The following LAMA5 variants were observed in gnomAD, a reference collection of about 807,000 sequenced individuals.
LAMA5 encodes laminin subunit alpha 5.
Under a neutral mutation model 433.4 loss-of-function variants are expected in LAMA5, and 260 were observed. The observed-to-expected ratio is 0.60, with a 90% CI of 0.54 to 0.66. The LOEUF is 0.66. Among genes scored for constraint, LAMA5 ranks in the 30% least tolerant of loss-of-function variants. The pLI is 0.00. For missense variants in LAMA5, 5,378 were observed against 5,258.5 expected, an observed-to-expected ratio of 1.02 and a Z score of -0.70; for synonymous variants, 2,620 against 2,226.6, an observed-to-expected ratio of 1.18 and a Z score of -4.97.
chr20:62,314,100 C>CAG (rs5842382), intron 62 of LAMA5, among the ~76,000 whole-genome samples: 37,464 of 38,140 alleles, frequency 0.98, 18,492 homozygotes, highest in East Asian at 1. Flanking sequence ...CGAGTGGGCA[C>CAG]AGACGGGTGG....
chr20:62,310,715 T>C lies in LAMA5; in HGVS notation c.10396A>G (p.Thr3466Ala), dbSNP rs1276296593. The C allele has an allele frequency of 1.8e-5, 29 of 1,598,290 alleles. No homozygotes were observed. Among genetic ancestry groups the C allele is most frequent in the Non-Finnish European group, 2.4e-5 (28 of 1,175,962 alleles). The change falls in exon 75 of 80, where the codon ACC (threonine) becomes GCC (alanine). Residue 3466 changes from threonine (T) to alanine (A), a missense_variant. By Grantham distance (58) the Thr-to-Ala change is moderately conservative (BLOSUM62 0). Transcript: ENST00000252999. Reference sequence around the variant, plus strand: ...GCCGGGAGGCCGCCCACAAAGAGGGTGTGGGGCTGGGGGTGCTCTGCCCCC... The same window carrying C: ...GCCGGGAGGCCGCCCACAAAGAGGGCGTGGGGCTGGGGGTGCTCTGCCCCC... Reference protein sequence around the residue: ...HQGAEHPQPHTLFVGGLPASS... With the variant: ...HQGAEHPQPHALFVGGLPASS...
intron 11 of LAMA5, 189 bp downstream of exon 11, chr20:62,345,629 T>G (rs1249150973): frequency 4.6e-6 from 3 of 656,468 alleles, no homozygotes; most frequent in Admixed American, 4.9e-5. Context: ...CTAACTTTTT[T>G]CTTTGGCTTT....
At chr20:62,360,963 T>C (rs1484132511) in intron 2 of LAMA5, among the ~76,000 whole-genome samples, 1 of 152,094 alleles carries the variant, frequency 6.6e-6, no homozygotes, top group Non-Finnish European at 1.5e-5. Flanking sequence ...CATCGGGCAC[T>C]GCGCCCACTG....
intron 11 of LAMA5, among the ~76,000 whole-genome samples, chr20:62,343,111 A>T (rs765128974): frequency 5.3e-5 from 8 of 152,212 alleles, no homozygotes; most frequent in Non-Finnish European, 8.8e-5. Flanking sequence ...CCCACTCATG[A>T]ATACGCGTTC....
Position 62,310,717 on chromosome 20 carries a change from TG to T in LAMA5, c.10393del (p.His3465ThrfsTer19). The stretch of plus-strand genomic sequence containing the variant: ...CGGGAGGCCGCCCACAAAGAGGGTG[TG>T]GGGCTGGGGGTGCTCTGCCCCCTGG... ...QHQGAEHPQP[H>X]TLFVGGLPAS... is the part of the protein sequence containing the mutation. On this transcript the variant is annotated frameshift_variant, in exon 75 of 80. Coordinates refer to ENST00000252999, the MANE Select transcript of LAMA5 (RefSeq NM_005560.6). LOFTEE classifies it high-confidence loss of function. 6.3e-7 allele frequency: 1 copy of T among 1,597,990 alleles called. No homozygotes were observed.
At chr20:62,360,177 C>T (rs952759695) in intron 2 of LAMA5, among the ~76,000 whole-genome samples, 1 of 150,186 alleles carries the variant, frequency 6.7e-6, no homozygotes, top group Non-Finnish European at 1.5e-5. Context: ...GAGACAGGGG[C>T]CTTGGTAGAT....
chr20:62,320,318 C>CAA (rs60260941), intron 50 of LAMA5, among the ~76,000 whole-genome samples: 1,937 of 49,872 alleles, frequency 0.039, 121 homozygotes, highest in African/African-American at 0.1. Context: ...AACTGTGTCT[C>CAA]AAAAAAAAAA....
intron 16 of LAMA5, chr20:62,337,018 G>A (rs547888260): frequency 4.6e-5 from 31 of 677,528 alleles, no homozygotes; most frequent in Non-Finnish European, 7.1e-5. Flanking sequence ...AACGTGCACC[G>A]CGTGGGGTAC....
At position 62,320,604 on chromosome 20, in the gene LAMA5, C is replaced by T; in HGVS notation, c.6714G>A (p.Gln2238=). ...CGTCCTGCCCGAGGCTTGTGCTCTG[C>T]TGCTCCAGCACCTCCAGCTGCTGTG... ...ETAQQLEVLE[Q]QSTSLGQDAR... Residue 2238 remains glutamine, a synonymous_variant, in exon 50 of 80, where the codon CAG becomes CAA. Transcript: ENST00000252999. The T allele has an allele frequency of 3.1e-6, 5 of 1,607,186 alleles. No individual in the cohort carries two copies. The highest frequency in any genetic ancestry group is 4.2e-6 in the Non-Finnish European group (5 of 1,178,998).
chr20:62,320,318 CAAAAAAAAAAA>C (rs60260941), intron 50 of LAMA5, among the ~76,000 whole-genome samples: 12 of 51,282 alleles, frequency 2.3e-4, no homozygotes, highest in African/African-American at 7.4e-4. Flanking sequence ...AACTGTGTCT[CAAAAAAAAAAA>C]AAAAAAAAAA....
rs560624026 is a variant in LAMA5 at position 62,327,403 on chromosome 20, C to A, written c.4942G>T (p.Val1648Leu). The change falls in exon 38 of 80, where the codon GTG becomes TTG. Residue 1648 changes from valine (V) to leucine (L), a missense_variant. Transcript: ENST00000252999. ...RSSSYTRQEF[V>L]DMEGWVLLST... is the part of the protein sequence containing the mutation. ...AGCAGCACCCATCCCTCCATATCCACGAACTGTGGGCACACACGTGTGGCT... is the reference window on the plus strand; with the variant it reads ...AGCAGCACCCATCCCTCCATATCCAAGAACTGTGGGCACACACGTGTGGCT... The A allele has an allele frequency of 2.0e-5, 31 of 1,587,916 alleles. No individual in the cohort carries two copies. The African/African-American group carries it at 3.8e-4, about 19-fold the overall frequency.
At position 62,318,308 on chromosome 20, in the gene LAMA5, A is replaced by ACGGGGG. The variant is rs1309354332; in HGVS notation, c.7239+145_7239+146insCCCCCG. On this transcript the variant is annotated intron_variant, in intron 53 of 79. Transcript: ENST00000252999. ...GGAGGAAGAGGAGGAGGGGGGGAAG[A>ACGGGGG]AGAGGAGGAGGGGGGGAGGACGAGG... 8.5e-5 allele frequency: 20 copies of ACGGGGG among 235,650 alleles called. 6 individuals carry two copies. The highest frequency in any genetic ancestry group is 7.4e-4 in the African/African-American group (8 of 10,752). The allele number at this position is 235,650 out of a possible 1,614,324, so 14.6% of individuals were successfully genotyped here.
At chr20:62,361,898 C>A (rs1986167788) in intron 2 of LAMA5, among the ~76,000 whole-genome samples, 1 of 152,214 alleles carries the variant, frequency 6.6e-6, no homozygotes. Flanking sequence ...CAAGGAGAGC[C>A]CAGAGCTGGG....
In LAMA5 at chr20:62,310,576, T is replaced by C. The variant is rs537880606; in HGVS notation, c.10447-4A>G. On this transcript the variant is annotated splice_polypyrimidine_tract_variant and splice_region_variant and intron_variant, in intron 75 of 79. Transcript: ENST00000252999. ...AGCCGCTGAACCCGACGGTCACCTATAGGAGCAGACCGGGCAGGGATCAGG... is the reference window on the plus strand; with the variant it reads ...AGCCGCTGAACCCGACGGTCACCTACAGGAGCAGACCGGGCAGGGATCAGG... 8 of 1,560,822 alleles carry C rather than the reference T, an allele frequency of 5.1e-6. No homozygotes were observed. The African/African-American group carries it at 8.1e-5, about 16-fold the overall frequency.
rs1981710160 is a variant in LAMA5, at chr20:62,336,796, G to C, written c.2165-10C>G. ...GGGTGGCAAGAGCCAGCTGTGAAGA[G>C]AGGACCATGCCTCGGTCATTTCCCA... On this transcript the variant is annotated splice_polypyrimidine_tract_variant and intron_variant, in intron 16 of 79. Coordinates refer to ENST00000252999, the MANE Select transcript of LAMA5 (RefSeq NM_005560.6). 3.1e-6 allele frequency: 5 copies of C among 1,612,280 alleles called. No individual in the cohort carries two copies. Among genetic ancestry groups the C allele is most frequent in the Non-Finnish European group, 4.2e-6 (5 of 1,179,892 alleles).
chr20:62,317,642 G>T lies in LAMA5; in HGVS notation c.7356+20C>A. On this transcript the variant is annotated intron_variant, in intron 54 of 79. Coordinates refer to ENST00000252999, the MANE Select transcript of LAMA5 (RefSeq NM_005560.6). Reference sequence around the variant, plus strand: ...TTGGCCGTGGATGGGGTGGCGACAGGGGCCAGGGGCTGCACTCACCTCCTT... The same window carrying T: ...TTGGCCGTGGATGGGGTGGCGACAGTGGCCAGGGGCTGCACTCACCTCCTT... 1 of 1,536,798 alleles carries T rather than the reference G, an allele frequency of 6.5e-7. No homozygotes were observed. Among genetic ancestry groups the T allele is most frequent in the Non-Finnish European group, 8.8e-7 (1 of 1,137,152 alleles).
In LAMA5 at chr20:62,321,897, G is replaced by C. The variant is rs146530995; in HGVS notation, c.6496+122C>G. The C allele has an allele frequency of 2.3e-5, 22 of 975,520 alleles. 1 individual carries two copies. In the South Asian group the frequency reaches 2.6e-4, roughly 11 times the overall value. 60.4% of individuals were successfully genotyped at this position (975,520 alleles called of 1,614,324 possible). ...GGAGTTGGACAGGCATGGGTCTCTC[G>C]GGAAATGGAAGGCAGCTGGGACCAC... On this transcript the variant is annotated intron_variant, in intron 48 of 79. Transcript: ENST00000252999.
intron 48 of LAMA5, 95 bp from the exon 49 acceptor site, chr20:62,320,985 T>C: frequency 7.2e-7 from 1 of 1,383,334 alleles, no homozygotes; most frequent in Non-Finnish European, 9.9e-7. Flanking sequence ...TGGGGAGGGC[T>C]CAGCCAGAGG....
chr20:62,345,705 G>T, intron 11 of LAMA5, 113 bp downstream of exon 11: 1 of 765,684 alleles, frequency 1.3e-6, no homozygotes, highest in Non-Finnish European at 2.1e-6. Context: ...AAAGAAATAA[G>T]CCAAAAATAA....
Sources: gnomAD v4.1 joint callset for allele counts (sites outside exome capture counted in the v4.1 genomes callset) on GRCh38, gnomAD v4.1.1 for gene constraint, MANE v1.5 for transcripts, NCBI Gene and HGNC (gene_info 2026-07-23, HGNC 2026-07-21) for gene names.